KCNB2: variants seen among roughly 807,000 people sequenced by gnomAD.
KCNB2 encodes potassium voltage-gated channel subfamily B member 2.
A neutral mutation model predicts 61.5 loss-of-function variants in KCNB2; 15 were observed. That is an observed-to-expected ratio of 0.24 (90% CI 0.16 to 0.38). The LOEUF (loss-of-function observed/expected upper bound fraction) is 0.38, where lower values mean the gene tolerates loss of function less well. KCNB2 is among the 10% of genes least tolerant of loss of function. KCNB2 has a pLI of 1.00. For synonymous variants in KCNB2, 457 were observed against 446.0 expected (o/e 1.02, Z -0.31); for missense variants, 828 against 1,125.2 (o/e 0.74, Z 3.78).
At chr8:72,558,776 C>G (rs188744383) in intron 1 of KCNB2, among the ~76,000 whole-genome samples, 1 of 152,186 alleles carries the variant, frequency 6.6e-6, no homozygotes, top group Admixed American at 6.5e-5. Context: ...ATCATCCCAA[C>G]AAATATATAA....
At chr8:72,555,753 A>C (rs910001281) in intron 1 of KCNB2, among the ~76,000 whole-genome samples, 2 of 151,490 alleles carry the variant, frequency 1.3e-5, no homozygotes, top group East Asian at 1.9e-4. Flanking sequence ...TTTTTATTTT[A>C]TTTTATTTTA....
intron 2 of KCNB2, among the ~76,000 whole-genome samples, chr8:72,850,276 G>A (rs117121054): frequency 0.014 from 2,143 of 151,512 alleles, 26 homozygotes; most frequent in Middle Eastern, 0.024. Context: ...CTGGAATGCT[G>A]GGGTACGATC....
chr8:72,715,470 C>G (rs1262637068), intron 2 of KCNB2, among the ~76,000 whole-genome samples: 17 of 152,120 alleles, frequency 1.1e-4, no homozygotes, highest in Non-Finnish European at 2.2e-4. Context: ...TCTCTCAGAC[C>G]ACAGTGCAAT....
At chr8:72,719,888 G>A (rs1255371821) in intron 2 of KCNB2, among the ~76,000 whole-genome samples, 1 of 152,100 alleles carries the variant, frequency 6.6e-6, no homozygotes, top group Admixed American at 6.6e-5. Flanking sequence ...AAATATAACA[G>A]GAAAAAGAAG....
chr8:72,917,968 G>A (rs1360237768), intron 2 of KCNB2, among the ~76,000 whole-genome samples: 1 of 152,184 alleles, frequency 6.6e-6, no homozygotes, highest in Non-Finnish European at 1.5e-5. Flanking sequence ...AGAAGGGGAA[G>A]CAGGCTGAAG....
intron 2 of KCNB2, among the ~76,000 whole-genome samples, chr8:72,914,794 T>G (rs1806361291): frequency 6.6e-6 from 1 of 152,170 alleles, no homozygotes; most frequent in Non-Finnish European, 1.5e-5. Flanking sequence ...ATGAAGCACC[T>G]AAGTATAAGC....
At chr8:72,641,560 C>A (rs1333397423) in intron 2 of KCNB2, among the ~76,000 whole-genome samples, 3 of 152,008 alleles carry the variant, frequency 2.0e-5, no homozygotes, top group Non-Finnish European at 2.9e-5. Flanking sequence ...AACTTTGGAT[C>A]TCCTTAAGCC....
At chr8:72,862,174 G>A (rs578192368) in intron 2 of KCNB2, among the ~76,000 whole-genome samples, 1 of 152,158 alleles carries the variant, frequency 6.6e-6, no homozygotes, top group South Asian at 2.1e-4. Flanking sequence ...AGAAATATTT[G>A]GTTGCATCTT....
intron 2 of KCNB2, among the ~76,000 whole-genome samples, chr8:72,638,786 T>G (rs1211227478): frequency 6.6e-6 from 1 of 152,162 alleles, no homozygotes; most frequent in African/African-American, 2.4e-5. Context: ...GGTGACCTGC[T>G]AAGCATGTAG....
chr8:72,618,176 A>G (rs1055699606), intron 2 of KCNB2, among the ~76,000 whole-genome samples: 1 of 151,626 alleles, frequency 6.6e-6, no homozygotes, highest in African/African-American at 2.4e-5. Flanking sequence ...CAAGATGCAC[A>G]TGTGTGTTAA....
chr8:72,630,875 G>A (rs1431422900), intron 2 of KCNB2, among the ~76,000 whole-genome samples: 1 of 152,058 alleles, frequency 6.6e-6, no homozygotes, highest in Non-Finnish European at 1.5e-5. Flanking sequence ...ACAAATAAAG[G>A]CATTTGTATC....
intron 1 of KCNB2, among the ~76,000 whole-genome samples, chr8:72,540,105 G>A (rs183747422): frequency 6.6e-6 from 1 of 152,242 alleles, no homozygotes; most frequent in Admixed American, 6.5e-5. Flanking sequence ...TGCGTATCTG[G>A]CATTCTTATA....
chr8:72,923,556 A>G (rs1408599406), intron 2 of KCNB2, among the ~76,000 whole-genome samples: 1 of 152,062 alleles, frequency 6.6e-6, no homozygotes, highest in Non-Finnish European at 1.5e-5. Flanking sequence ...TCCAACCCCC[A>G]CTTCCCATCA....
chr8:72,831,348 GA>G (rs1337521864), intron 2 of KCNB2, among the ~76,000 whole-genome samples: 7 of 152,170 alleles, frequency 4.6e-5, no homozygotes. Flanking sequence ...AAACTAAAAT[GA>G]ATGCCTTAGA....
At chr8:72,593,892 A>C (rs1807142446) in intron 2 of KCNB2, among the ~76,000 whole-genome samples, 1 of 152,072 alleles carries the variant, frequency 6.6e-6, no homozygotes, top group African/African-American at 2.4e-5. Flanking sequence ...TTATAGGAAG[A>C]ACATTTGATT....
chr8:72,881,676 A>G (rs1308293325), intron 2 of KCNB2: 1 of 150,212 alleles, frequency 6.7e-6, no homozygotes, highest in Non-Finnish European at 1.5e-5. Context: ...AATATTGGCA[A>G]TCTTTTCTAA....
rs146566909 is a variant in KCNB2, at chr8:72,650,583, G to A, written c.579+82270G>A. Among the ~76,000 whole-genome samples the A allele has an allele frequency of 1.1e-3, 167 of 152,216 alleles. 2 individuals are homozygous for A. In the East Asian group the frequency reaches 0.029, roughly 27 times the overall value. On this transcript the variant is annotated intron_variant, in intron 2 of 2. Coordinates refer to ENST00000523207, the MANE Select transcript of KCNB2 (RefSeq NM_004770.3). ...TATCAGAGCTAAGGGTCACCGCCAG[G>A]TCTCTCTGATACCACCTGTACTATT...
At chr8:72,757,426 G>C (rs889581420) in intron 2 of KCNB2, among the ~76,000 whole-genome samples, 4 of 152,160 alleles carry the variant, frequency 2.6e-5, no homozygotes, top group African/African-American at 9.7e-5. Context: ...GTGGTACCTG[G>C]AGGAAAAGGC....
chr8:72,826,882 C>A (rs1028157459), intron 2 of KCNB2, among the ~76,000 whole-genome samples: 10 of 152,164 alleles, frequency 6.6e-5, no homozygotes, highest in African/African-American at 2.2e-4. Context: ...TTTATGATGG[C>A]TAAATGTAAG....
Sources: gnomAD v4.1 joint callset for allele counts (sites outside exome capture counted in the v4.1 genomes callset) on GRCh38, gnomAD v4.1.1 for gene constraint, MANE v1.5 for transcripts, NCBI Gene and HGNC (gene_info 2026-07-23, HGNC 2026-07-21) for gene names.